The following IGF2BP3 variants were observed in gnomAD, a reference collection of about 807,000 sequenced individuals.
IGF2BP3 encodes the protein insulin-like growth factor 2 mRNA-binding protein 3.
IGF2BP3 carries 9 observed loss-of-function variants against 73.8 expected under a neutral mutation model. The ratio of observed to expected loss-of-function variants is 0.12; its 90% confidence interval spans 0.07 to 0.21. IGF2BP3 has a LOEUF of 0.21. Ranked by LOEUF, IGF2BP3 falls within the 10% of genes least tolerant of loss-of-function variation. The pLI, the probability that IGF2BP3 is intolerant of heterozygous loss-of-function variation, is 1.00. For missense variants in IGF2BP3, 542 were observed against 714.0 expected (o/e 0.76, Z 2.75); for synonymous variants, 258 against 256.7 (o/e 1.01, Z -0.05).
chr7:23,462,934 T>C (rs1041841463), intron 2 of IGF2BP3, among the ~76,000 whole-genome samples: 4 of 152,228 alleles, frequency 2.6e-5, no homozygotes, highest in East Asian at 1.9e-4. Context: ...AGCAAAATTC[T>C]GGCAATCCAA....
chr7:23,314,561 C>T (rs1783925583), intron 12 of IGF2BP3, among the ~76,000 whole-genome samples: 1 of 151,974 alleles, frequency 6.6e-6, no homozygotes, highest in Admixed American at 6.6e-5. Context: ...CCTGCCTTGG[C>T]CTCCCAAAGT....
intron 10 of IGF2BP3, among the ~76,000 whole-genome samples, chr7:23,340,522 G>A (rs1405714293): frequency 2.0e-5 from 3 of 152,156 alleles, no homozygotes; most frequent in Non-Finnish European, 4.4e-5. Flanking sequence ...TAGTAATACA[G>A]TGGAATCACC....
chr7:23,388,050 C>A (rs369040745), intron 3 of IGF2BP3, among the ~76,000 whole-genome samples: 3 of 152,110 alleles, frequency 2.0e-5, no homozygotes, highest in South Asian at 4.1e-4. Context: ...ACGCCATTCT[C>A]CTGCCTCAGC....
intron 5 of IGF2BP3, among the ~76,000 whole-genome samples, chr7:23,357,850 G>A (rs1259567071): frequency 2.0e-5 from 3 of 152,172 alleles, no homozygotes; most frequent in African/African-American, 2.4e-5. Context: ...AGATACAGCC[G>A]TATTTGAGGA....
rs1181160259 is a variant in IGF2BP3 at position 23,324,998 on chromosome 7, T to C, written c.1204-5744A>G. Among the ~76,000 whole-genome samples the C allele has an allele frequency of 5.9e-5, 9 of 151,454 alleles. No individual in the cohort carries two copies. In the East Asian group the frequency reaches 1.4e-3, roughly 23 times the overall value. On this transcript the variant is annotated intron_variant, in intron 10 of 14. Transcript: ENST00000258729. The stretch of plus-strand genomic sequence containing the variant: ...TGGGCAAAAACTGGAAGCATTCCCT[T>C]TGAAAACTGGCACAAGACAGGGATG...
At chr7:23,355,218 TA>T (rs1158601725) in intron 5 of IGF2BP3, among the ~76,000 whole-genome samples, 2,769 of 131,604 alleles carry the variant, frequency 0.021, 104 homozygotes, top group African/African-American at 0.094. Flanking sequence ...TTTGTCTTTT[TA>T]TTTTTATTTT....
chr7:23,421,009 TTTTTC>T (rs1787328835), intron 2 of IGF2BP3, among the ~76,000 whole-genome samples: 1 of 152,198 alleles, frequency 6.6e-6, no homozygotes, highest in Admixed American at 6.5e-5. Flanking sequence ...TTATATTTTC[TTTTTC>T]TTTTGTGTGT....
intron 2 of IGF2BP3, among the ~76,000 whole-genome samples, chr7:23,428,478 A>G (rs1787579442): frequency 6.6e-6 from 1 of 151,180 alleles, no homozygotes; most frequent in Non-Finnish European, 1.5e-5. Context: ...TCTCAAAAAA[A>G]GAAAAAAATA....
intron 2 of IGF2BP3, among the ~76,000 whole-genome samples, chr7:23,440,079 C>A (rs184989501): frequency 6.6e-6 from 1 of 151,970 alleles, no homozygotes; most frequent in Non-Finnish European, 1.5e-5. Flanking sequence ...CTGGCTAATA[C>A]GGTGAAACCC....
At chr7:23,424,412 C>T (rs541974334) in intron 2 of IGF2BP3, among the ~76,000 whole-genome samples, 38 of 151,962 alleles carry the variant, frequency 2.5e-4, no homozygotes, top group African/African-American at 8.9e-4. Context: ...GCAGGAGAAT[C>T]GCCTGAACCA....
intron 2 of IGF2BP3, among the ~76,000 whole-genome samples, chr7:23,438,294 C>T (rs899170272): frequency 6.6e-6 from 1 of 151,996 alleles, no homozygotes; most frequent in Non-Finnish European, 1.5e-5. Context: ...TTGTATTTTT[C>T]GTAAAGACGA....
chr7:23,341,010 G>A (rs1010965131), intron 10 of IGF2BP3, among the ~76,000 whole-genome samples: 9 of 151,622 alleles, frequency 5.9e-5, no homozygotes, highest in South Asian at 2.1e-4. Context: ...CCACCACTCC[G>A]GCTAATTTTT....
At chr7:23,315,260 A>G (rs1583871364) in intron 12 of IGF2BP3, among the ~76,000 whole-genome samples, 1 of 151,268 alleles carries the variant, frequency 6.6e-6, no homozygotes, top group South Asian at 2.1e-4. Flanking sequence ...GGCATCCACC[A>G]CCATGCCTGG....
At chr7:23,391,146 C>T (rs1289347647) in intron 3 of IGF2BP3, among the ~76,000 whole-genome samples, 1 of 144,048 alleles carries the variant, frequency 6.9e-6, no homozygotes, top group Non-Finnish European at 1.5e-5. Context: ...GTCACCCAGG[C>T]TAGAGTGCAG....
At position 23,312,828 on chromosome 7, in the gene IGF2BP3, C is replaced by T; in HGVS notation, c.1548G>A (p.Leu516=). The T allele has an allele frequency of 6.2e-7, 1 of 1,608,628 alleles. No homozygotes were observed. The highest frequency in any genetic ancestry group is 8.5e-7 in the Non-Finnish European group (1 of 1,178,240). The change falls in exon 14 of 15, where the codon TTG becomes TTA. Residue 516 remains leucine, a synonymous_variant. Coordinates refer to ENST00000258729, the MANE Select transcript of IGF2BP3 (RefSeq NM_006547.3). ...GGKTVNELQN[L]SSAEVVVPRD... ...GAGGGACAACAACTTCTGCACTTGACAAATTCTGAAGTTCATTCACCTGAA... is the reference window on the plus strand; with the variant it reads ...GAGGGACAACAACTTCTGCACTTGATAAATTCTGAAGTTCATTCACCTGAA...
intron 2 of IGF2BP3, among the ~76,000 whole-genome samples, chr7:23,458,739 C>T (rs11770192): frequency 0.34 from 51,707 of 152,112 alleles, 9,165 homozygotes; most frequent in Middle Eastern, 0.41. Flanking sequence ...TTTTATTCTA[C>T]AATAAGCCCT....
At chr7:23,321,291 T>G (rs188251766) in intron 10 of IGF2BP3, among the ~76,000 whole-genome samples, 56 of 152,196 alleles carry the variant, frequency 3.7e-4, no homozygotes, top group Non-Finnish European at 5.9e-4. Flanking sequence ...TTCCCTTTCC[T>G]AGTCAAAGAA....
At position 23,452,150 on chromosome 7, in the gene IGF2BP3, G is replaced by A. The variant is rs541417232; in HGVS notation, c.236+16332C>T. Among the ~76,000 whole-genome samples, 289 of 151,930 alleles carry A rather than the reference G, an allele frequency of 1.9e-3. 1 individual carries two copies. The highest frequency in any genetic ancestry group is 0.01 in the Middle Eastern group (3 of 292). ...CTCCTGAGTAGCTGGGACTACAGGC[G>A]CCCGCCACCACGCCCAGCTAATTTT... On this transcript the variant is annotated intron_variant, in intron 2 of 14. Transcript: ENST00000258729.
intron 10 of IGF2BP3, among the ~76,000 whole-genome samples, chr7:23,328,616 A>G (rs1300409529): frequency 6.6e-6 from 1 of 152,250 alleles, no homozygotes; most frequent in Non-Finnish European, 1.5e-5. Flanking sequence ...ATGGGAAAGG[A>G]TAACTGGACA....
Sources: allele counts gnomAD v4.1 joint callset (sites outside exome capture counted in the v4.1 genomes callset), GRCh38; gene constraint gnomAD v4.1.1; transcripts MANE v1.5; gene names NCBI Gene and HGNC (gene_info 2026-07-23, HGNC 2026-07-21).